Variants in RAF1 observed in about 807,000 individuals in gnomAD.
RAF1 encodes the protein RAF proto-oncogene serine/threonine-protein kinase.
A neutral mutation model predicts 81.1 loss-of-function variants in RAF1; 27 were observed. The observed-to-expected ratio is 0.33, with a 90% CI of 0.25 to 0.46. The LOEUF is 0.46. Among genes scored for constraint, RAF1 ranks in the 20% least tolerant of loss-of-function variants. The pLI, the probability that RAF1 is intolerant of heterozygous loss-of-function variation, is 1.00. For missense variants in RAF1, 598 were observed against 826.0 expected, an observed-to-expected ratio of 0.72 and a Z score of 3.38; for synonymous variants, 298 against 294.0, an observed-to-expected ratio of 1.01 and a Z score of -0.14.
At chr3:12,607,927 A>C (rs1324638093) in intron 5 of RAF1, among the ~76,000 whole-genome samples, 1 of 140,438 alleles carries the variant, frequency 7.1e-6, no homozygotes, top group Non-Finnish European at 1.5e-5. Context: ...CTCCAGCCTA[A>C]TGACAGAAAG....
intron 1 of RAF1, among the ~76,000 whole-genome samples, chr3:12,623,401 CAAAAT>C (rs1275776850): frequency 6.6e-6 from 1 of 152,162 alleles, no homozygotes; most frequent in Non-Finnish European, 1.5e-5. Flanking sequence ...TAAAAAGTGA[CAAAAT>C]AAAAATACAC....
intron 1 of RAF1, among the ~76,000 whole-genome samples, chr3:12,647,140 C>A (rs1575662604): frequency 1.3e-5 from 2 of 151,380 alleles, no homozygotes; most frequent in African/African-American, 4.8e-5. Flanking sequence ...ACTAAAAATA[C>A]AAAAAATTAG....
intron 1 of RAF1, among the ~76,000 whole-genome samples, chr3:12,645,194 A>C (rs2060309100): frequency 6.6e-6 from 1 of 151,968 alleles, no homozygotes; most frequent in Non-Finnish European, 1.5e-5. Context: ...TCTTAGATCT[A>C]CCTAAAACCT....
At chr3:12,617,710 A>T (rs1412340690) in intron 2 of RAF1, among the ~76,000 whole-genome samples, 2 of 149,970 alleles carry the variant, frequency 1.3e-5, no homozygotes, top group Non-Finnish European at 3.0e-5. Context: ...ACATGGTGAA[A>T]CCCCGTCTCT....
intron 3 of RAF1, among the ~76,000 whole-genome samples, chr3:12,610,061 A>AT (rs1172293056): frequency 6.6e-6 from 1 of 152,264 alleles, no homozygotes; most frequent in African/African-American, 2.4e-5. Context: ...TAACTGTCTT[A>AT]AAATCTACTC....
Position 12,609,338 on chromosome 3 carries a change from A to AC in RAF1, c.321-4_321-3insG, listed in dbSNP as rs1559434366. The AC allele has an allele frequency of 7.5e-6, 12 of 1,593,672 alleles. No individual in the cohort carries two copies. Among genetic ancestry groups the AC allele is most frequent in the South Asian group, 1.1e-5 (1 of 90,674 alleles). ...TCCAATCTAAGCGTGCTTTTTTACT[A>AC]GAAAGGATTTAAAAAAAACATGAAA... On this transcript the variant is annotated splice_region_variant and splice_polypyrimidine_tract_variant and intron_variant, in intron 3 of 17. Coordinates refer to ENST00000442415, the MANE Select transcript of RAF1 (RefSeq NM_001354689.3).
intron 1 of RAF1, among the ~76,000 whole-genome samples, chr3:12,638,853 C>G (rs560136023): frequency 4.6e-5 from 7 of 152,024 alleles, no homozygotes; most frequent in Non-Finnish European, 8.8e-5. Flanking sequence ...CTGGCCAACA[C>G]GGCCTAAAAA....
intron 12 of RAF1, 110 bp downstream of exon 11, chr3:12,591,598 G>A: frequency 4.4e-6 from 4 of 904,886 alleles, no homozygotes; most frequent in Non-Finnish European, 7.3e-6. Flanking sequence ...TCCACAGTGA[G>A]TCCTAACTGC....
chr3:12,648,198 C>T (rs983510215), intron 1 of RAF1, among the ~76,000 whole-genome samples: 4 of 149,406 alleles, frequency 2.7e-5, no homozygotes, highest in African/African-American at 4.9e-5. Context: ...ATTCAAAGTA[C>T]ACCATTAACA....
intron 1 of RAF1, among the ~76,000 whole-genome samples, chr3:12,646,085 C>G (rs1260291212): frequency 3.3e-5 from 5 of 152,084 alleles, no homozygotes. Context: ...TTTTTTATAA[C>G]TTATCCTTTC....
chr3:12,649,226 GATA>G (rs1385910114), intron 1 of RAF1, among the ~76,000 whole-genome samples: 3 of 152,156 alleles, frequency 2.0e-5, no homozygotes, highest in Non-Finnish European at 2.9e-5. Flanking sequence ...CTGTAAAACT[GATA>G]ATATCATTTG....
chr3:12,583,929 T>C lies in RAF1; in HGVS notation c.*585A>G, dbSNP rs1476108043. 4.2e-6 allele frequency: 1 copy of C among 237,994 alleles called. No homozygotes were observed. Among genetic ancestry groups the C allele is most frequent in the Non-Finnish European group, 8.3e-6 (1 of 120,588 alleles). The allele number at this position is 237,994 out of a possible 1,614,324, so 14.7% of individuals were successfully genotyped here. On this transcript the variant is annotated 3_prime_UTR_variant, in exon 18 of 18. Transcript: ENST00000442415. ...TGCCTGGAAAACCATCCCAATGCACTGGACACCTTAGAAGCTGTGAAAGGA... is the reference window on the plus strand; with the variant it reads ...TGCCTGGAAAACCATCCCAATGCACCGGACACCTTAGAAGCTGTGAAAGGA...
At chr3:12,642,707 C>CACACACACAA (rs2060229262) in intron 1 of RAF1, among the ~76,000 whole-genome samples, 1 of 149,986 alleles carries the variant, frequency 6.7e-6, no homozygotes. Context: ...CACACACACA[C>CACACACACAA]ACACACACAC....
At chr3:12,655,001 C>CG (rs199949768) in intron 1 of RAF1, among the ~76,000 whole-genome samples, 1,550 of 46,684 alleles carry the variant, frequency 0.033, 39 homozygotes, top group African/African-American at 0.11. Flanking sequence ...CATAGTGAGA[C>CG]CCCCCCCCCG....
At chr3:12,659,469 T>C (rs2060809340) in intron 1 of RAF1, among the ~76,000 whole-genome samples, 1 of 132,318 alleles carries the variant, frequency 7.6e-6, no homozygotes, top group Non-Finnish European at 1.6e-5. Flanking sequence ...AAGTTAGCCC[T>C]ATACCAAAAG....
At chr3:12,625,478 C>T (rs1417503674) in intron 1 of RAF1, among the ~76,000 whole-genome samples, 1 of 152,158 alleles carries the variant, frequency 6.6e-6, no homozygotes, top group Non-Finnish European at 1.5e-5. Flanking sequence ...GTACAGCAAT[C>T]TAATAGTATC....
At chr3:12,596,194 CTTTT>C (rs10575214) in intron 11 of RAF1, among the ~76,000 whole-genome samples, 68 of 117,280 alleles carry the variant, frequency 5.8e-4, no homozygotes, top group African/African-American at 1.4e-3. Context: ...ATTTTTCTTT[CTTTT>C]TTTTTTTTTT....
intron 1 of RAF1, among the ~76,000 whole-genome samples, chr3:12,651,910 G>A (rs562319578): frequency 6.2e-4 from 94 of 151,022 alleles, no homozygotes; most frequent in Non-Finnish European, 1.2e-3. Flanking sequence ...TCGGGAGGCT[G>A]AGTCAGGAGA....
At chr3:12,607,076 C>G (rs996028495) in intron 5 of RAF1, among the ~76,000 whole-genome samples, 1 of 152,190 alleles carries the variant, frequency 6.6e-6, no homozygotes, top group Non-Finnish European at 1.5e-5. Flanking sequence ...ATTTCACAAA[C>G]TATGTCACAC....
Sources: gnomAD v4.1 joint callset for allele counts (sites outside exome capture counted in the v4.1 genomes callset) on GRCh38, gnomAD v4.1.1 for gene constraint, MANE v1.5 for transcripts, NCBI Gene and HGNC (gene_info 2026-07-23, HGNC 2026-07-21) for gene names.